PRIM1: variants seen among roughly 807,000 people sequenced by gnomAD.
The protein encoded by PRIM1 is DNA primase subunit 1, also known as DNA primase small subunit.
A neutral mutation model predicts 60.2 loss-of-function variants in PRIM1; 38 were observed. The ratio of observed to expected loss-of-function variants is 0.63; its 90% confidence interval spans 0.49 to 0.83. The LOEUF (loss-of-function observed/expected upper bound fraction) is 0.83, where lower values mean the gene tolerates loss of function less well. Ranked by LOEUF, PRIM1 falls within the 40% of genes least tolerant of loss-of-function variation. The pLI is 0.00. For missense variants in PRIM1, 388 were observed against 506.2 expected (o/e 0.77, Z 2.24); for synonymous variants, 158 against 160.2 (o/e 0.99, Z 0.10).
chr12:56,739,332 T>C lies in PRIM1; in HGVS notation c.1014A>G (p.Lys338=). 1.3e-6 allele frequency: 2 copies of C among 1,582,882 alleles called. No individual in the cohort carries two copies. The highest frequency in any genetic ancestry group is 1.3e-5 in the African/African-American group (1 of 74,760). Residue 338 remains lysine (K), a synonymous_variant, in exon 10 of 13, where the codon AAA becomes AAG. Coordinates refer to ENST00000338193, the MANE Select transcript of PRIM1 (RefSeq NM_000946.3). ...CAGTAAATGGATCAAACTGGTCCAC[T>C]TTCTGCAAATCAATAGGCACAGATA... is the stretch of plus-strand genomic sequence containing the variant. ...GRISVPIDLQ[K]VDQFDPFTVP... is the part of the protein sequence containing the mutation.
chr12:56,745,980 A>T, intron 5 of PRIM1, 65 bp downstream of exon 5: 1 of 1,469,724 alleles, frequency 6.8e-7, no homozygotes, highest in Admixed American at 2.4e-5. Flanking sequence ...TTTGACAGTA[A>T]ACATATCAGG....
At chr12:56,737,265 CTT>C (rs1229329294) in intron 11 of PRIM1, among the ~76,000 whole-genome samples, 11 of 152,122 alleles carry the variant, frequency 7.2e-5, no homozygotes, top group African/African-American at 2.4e-4. Context: ...CTCCCCCTCT[CTT>C]TGCAGTCCGT....
chr12:56,744,273 G>A, intron 5 of PRIM1, 150 bp from the exon 6 acceptor site: 1 of 560,208 alleles, frequency 1.8e-6, no homozygotes, highest in Non-Finnish European at 3.1e-6. Context: ...GGGAGGCTGA[G>A]GTGGGTGGAT....
chr12:56,744,974 G>C (rs1255545821), intron 5 of PRIM1, among the ~76,000 whole-genome samples: 1 of 151,854 alleles, frequency 6.6e-6, no homozygotes, highest in Admixed American at 6.6e-5. Flanking sequence ...GGGTGTGGTG[G>C]CAAGTGCCTG....
chr12:56,738,320 C>T, intron 11 of PRIM1, 114 bp downstream of exon 11: 1 of 1,392,164 alleles, frequency 7.2e-7, no homozygotes, highest in South Asian at 1.5e-5. Flanking sequence ...TATGCAGTTC[C>T]AGGACAAATG....
chr12:56,743,218 A>T, intron 6 of PRIM1, 122 bp from the exon 7 acceptor site: 1 of 1,193,616 alleles, frequency 8.4e-7, no homozygotes. Flanking sequence ...GAACTTAACT[A>T]GGTAAAATGG....
intron 12 of PRIM1, among the ~76,000 whole-genome samples, chr12:56,733,909 G>A (rs542264247): frequency 3.3e-5 from 5 of 152,180 alleles, no homozygotes; most frequent in Middle Eastern, 3.4e-3. Context: ...ACTTCTTAAG[G>A]GCAAGGAGGC....
In PRIM1 at chr12:56,734,260, A is replaced by C. The variant is rs768177814; in HGVS notation, c.1145-15T>G. 1.6e-5 allele frequency: 23 copies of C among 1,462,156 alleles called. No homozygotes were observed. The highest frequency in any genetic ancestry group is 2.2e-5 in the Non-Finnish European group (23 of 1,060,162). The allele number at this position is 1,462,156 out of a possible 1,614,324, so 90.6% of individuals were successfully genotyped here. ...CTTCTTATAATCTAAATTATGAAGA[A>C]TGTACATTATAATTAGCATACTGGC... On this transcript the variant is annotated splice_polypyrimidine_tract_variant and intron_variant, in intron 11 of 12. Coordinates refer to ENST00000338193, the MANE Select transcript of PRIM1 (RefSeq NM_000946.3).
chr12:56,744,041 T>A, intron 6 of PRIM1, 24 bp downstream of exon 6: 1 of 1,524,564 alleles, frequency 6.6e-7, no homozygotes, highest in Non-Finnish European at 8.9e-7. Context: ...CACCTTAAAG[T>A]GCTTGGAGAC....
At chr12:56,745,938 CAAAA>C (rs11331084) in intron 5 of PRIM1, 103 bp downstream of exon 5, 617 of 934,270 alleles carry the variant, frequency 6.6e-4, no homozygotes, top group South Asian at 1.3e-3. Flanking sequence ...GAGTCCATCT[CAAAA>C]AAAAAAAAAA....
chr12:56,746,891 C>A (rs373057015), intron 3 of PRIM1, 35 bp downstream of exon 3: 1 of 1,612,534 alleles, frequency 6.2e-7, no homozygotes, highest in Admixed American at 1.7e-5. Context: ...GTCAGTGATA[C>A]CACCCACCCT....
intron 5 of PRIM1, 45 bp downstream of exon 5, chr12:56,746,000 A>G (rs367632502): frequency 2.7e-5 from 42 of 1,547,340 alleles, no homozygotes; most frequent in African/African-American, 1.8e-4. Flanking sequence ...GCTTGGTAAC[A>G]TCTAGAAACT....
In PRIM1 at chr12:56,739,261, C is replaced by A. The variant is rs752809929; in HGVS notation, c.1052+33G>T. On this transcript the variant is annotated intron_variant, in intron 10 of 12. Transcript: ENST00000338193. ...TATTTAAAATTCATAACAACAATTA[C>A]AAACAAGGAGTGATCAATGATCTGA... 7.0e-6 allele frequency: 10 copies of A among 1,420,160 alleles called. No homozygotes were observed. The Admixed American group carries it at 1.6e-4, about 23-fold the overall frequency. 88.0% of individuals were successfully genotyped at this position (1,420,160 alleles called of 1,614,324 possible). A position where few individuals can be genotyped will look rare whatever the true frequency, so the allele number is the denominator to read the frequency against.
chr12:56,745,759 C>T (rs1191056708), intron 5 of PRIM1, among the ~76,000 whole-genome samples: 6 of 151,692 alleles, frequency 4.0e-5, no homozygotes, highest in Non-Finnish European at 5.9e-5. Flanking sequence ...GCCAACATGG[C>T]GAAACCCAGT....
At chr12:56,737,747 G>A (rs983464928) in intron 11 of PRIM1, among the ~76,000 whole-genome samples, 4 of 151,636 alleles carry the variant, frequency 2.6e-5, no homozygotes, top group African/African-American at 4.8e-5. Flanking sequence ...GTTTATTTGA[G>A]ACAGTCTCCC....
At chr12:56,750,393 GAA>G (rs148861442) in intron 2 of PRIM1, among the ~76,000 whole-genome samples, 11,275 of 152,114 alleles carry the variant, frequency 0.074, 471 homozygotes, top group African/African-American at 0.098. Context: ...GGGAATGTGA[GAA>G]AGAGAGGAAT....
intron 4 of PRIM1, chr12:56,746,505 C>A: frequency 1.8e-6 from 1 of 559,130 alleles, no homozygotes; most frequent in Non-Finnish European, 3.2e-6. Context: ...GTGGCGTGCG[C>A]CTGTAGTCCC....
intron 11 of PRIM1, among the ~76,000 whole-genome samples, chr12:56,736,298 TAAAAAAAA>T (rs756452647): frequency 2.1e-4 from 5 of 24,316 alleles, no homozygotes; most frequent in African/African-American, 4.5e-4. Flanking sequence ...ACTCTTTCTC[TAAAAAAAA>T]AAAAAAAAAA....
intron 11 of PRIM1, among the ~76,000 whole-genome samples, chr12:56,737,405 A>T (rs1953840787): frequency 6.6e-6 from 1 of 150,684 alleles, no homozygotes; most frequent in African/African-American, 2.4e-5. Context: ...GCTGGAGTGC[A>T]ATGGCGTGAT....
Sources: gnomAD v4.1 joint callset for allele counts (sites outside exome capture counted in the v4.1 genomes callset) on GRCh38, gnomAD v4.1.1 for gene constraint, MANE v1.5 for transcripts, NCBI Gene and HGNC (gene_info 2026-07-23, HGNC 2026-07-21) for gene names.